The following NR2F1-AS1 variants were observed in gnomAD, a reference collection of about 807,000 sequenced individuals.
The protein encoded by NR2F1-AS1 is NR2F1 regulatory antisense RNA 1.
chr5:93,533,574 A>AT (rs1438421258), intron 4 of NR2F1-AS1, among the ~76,000 whole-genome samples: 1 of 152,146 alleles, frequency 6.6e-6, no homozygotes, highest in Non-Finnish European at 1.5e-5. Flanking sequence ...ATGGATTTTA[A>AT]TTTAGGAAAA....
intron 1 of NR2F1-AS1, among the ~76,000 whole-genome samples, chr5:93,572,197 A>G (rs1580345177): frequency 6.6e-6 from 1 of 152,310 alleles, no homozygotes; most frequent in South Asian, 2.1e-4. Context: ...GTTTGCGCGC[A>G]CGCGCACGTA....
chr5:93,553,154 C>T (rs1752272768), intron 4 of NR2F1-AS1, among the ~76,000 whole-genome samples: 1 of 139,574 alleles, frequency 7.2e-6, no homozygotes, highest in Non-Finnish European at 1.5e-5. Flanking sequence ...TTTGGAGACA[C>T]AGTCTTGCTC....
At position 93,451,945 on chromosome 5, in the gene NR2F1-AS1, T is replaced by G. The variant is rs115890064; in HGVS notation, n.639-56403A>C. Among the ~76,000 whole-genome samples the G allele has an allele frequency of 5.7e-3, 871 of 152,320 alleles. 7 individuals are homozygous for G. The highest frequency in any genetic ancestry group is 0.02 in the African/African-American group (827 of 41,572). ...TCACGGACATGTATTTACATAATTG[T>G]AAGGTCATTCTACTGTGCTATAAAG... On this transcript the variant is annotated intron_variant and non_coding_transcript_variant, in intron 4 of 5. Coordinates refer to ENST00000660523, the Ensembl canonical transcript of NR2F1-AS1.
At chr5:93,565,296 C>G (rs1278338035) in intron 1 of NR2F1-AS1, among the ~76,000 whole-genome samples, 1 of 152,032 alleles carries the variant, frequency 6.6e-6, no homozygotes, top group African/African-American at 2.4e-5. Context: ...AGAGGCCTAC[C>G]CCCAACTTCA....
At chr5:93,525,150 A>T (rs1245537478) in intron 4 of NR2F1-AS1, among the ~76,000 whole-genome samples, 1 of 152,138 alleles carries the variant, frequency 6.6e-6, no homozygotes, top group Non-Finnish European at 1.5e-5. Context: ...CTCAAAATAG[A>T]GGGATGGAGG....
intron 4 of NR2F1-AS1, among the ~76,000 whole-genome samples, chr5:93,511,215 G>A (rs1254983167): frequency 6.6e-6 from 1 of 152,104 alleles, no homozygotes. Context: ...CAATGTGGTT[G>A]GCCATCATCC....
intron 4 of NR2F1-AS1, among the ~76,000 whole-genome samples, chr5:93,512,343 C>T (rs1301411562): frequency 6.6e-6 from 1 of 152,046 alleles, no homozygotes; most frequent in Non-Finnish European, 1.5e-5. Context: ...TGCAGCTGTA[C>T]AATGTGTTTA....
intron 4 of NR2F1-AS1, among the ~76,000 whole-genome samples, chr5:93,451,553 C>CCA (rs973144341): frequency 3.5e-4 from 54 of 152,168 alleles, no homozygotes; most frequent in Non-Finnish European, 6.6e-4. Flanking sequence ...CAAGCATGTA[C>CCA]CACCACGCCT....
chr5:93,562,123 G>A (rs1580335666), intron 2 of NR2F1-AS1, among the ~76,000 whole-genome samples: 1 of 131,894 alleles, frequency 7.6e-6, no homozygotes, highest in Non-Finnish European at 1.5e-5. Context: ...CAAGGTGGGA[G>A]AATCGCTTCT....
chr5:93,483,716 G>C (rs565700239), intron 4 of NR2F1-AS1, among the ~76,000 whole-genome samples: 1 of 152,246 alleles, frequency 6.6e-6, no homozygotes, highest in East Asian at 1.9e-4. Flanking sequence ...AAGGTTAGAC[G>C]AATTGCTAAC....
intron 4 of NR2F1-AS1, among the ~76,000 whole-genome samples, chr5:93,540,973 T>A (rs1751938646): frequency 6.6e-6 from 1 of 152,220 alleles, no homozygotes; most frequent in African/African-American, 2.4e-5. Flanking sequence ...AGTTTAAAAA[T>A]TAATGCTTCA....
At chr5:93,420,492 C>T (rs1156630835) in intron 4 of NR2F1-AS1, among the ~76,000 whole-genome samples, 1 of 152,082 alleles carries the variant, frequency 6.6e-6, no homozygotes. Context: ...AAGGGTTAAA[C>T]AGTGAATGGT....
chr5:93,426,887 T>TC (rs796158339), intron 4 of NR2F1-AS1, among the ~76,000 whole-genome samples: 8 of 151,508 alleles, frequency 5.3e-5, no homozygotes, highest in South Asian at 4.2e-4. Flanking sequence ...TAATAAAAGT[T>TC]CCCCCCCTCC....
intron 4 of NR2F1-AS1, among the ~76,000 whole-genome samples, chr5:93,489,755 A>T (rs1315185646): frequency 6.6e-6 from 1 of 152,188 alleles, no homozygotes; most frequent in East Asian, 1.9e-4. Context: ...TCTCAAGTAC[A>T]TGTTTGGGGC....
intron 4 of NR2F1-AS1, among the ~76,000 whole-genome samples, chr5:93,466,266 T>A (rs1222475928): frequency 2.6e-5 from 4 of 151,910 alleles, no homozygotes; most frequent in African/African-American, 9.7e-5. Flanking sequence ...TGCCATCTCT[T>A]TTCCTCCTCC....
At chr5:93,458,855 CA>C (rs916769427) in intron 4 of NR2F1-AS1, among the ~76,000 whole-genome samples, 2 of 151,370 alleles carry the variant, frequency 1.3e-5, no homozygotes, top group African/African-American at 2.4e-5. Flanking sequence ...ACTAAAAATA[CA>C]AAAAAATTAG....
intron 4 of NR2F1-AS1, among the ~76,000 whole-genome samples, chr5:93,452,608 G>C (rs113330115): frequency 3.3e-5 from 5 of 152,290 alleles, no homozygotes; most frequent in African/African-American, 1.2e-4. Context: ...TATGCATAAA[G>C]TGAAACTCCT....
At chr5:93,449,508 T>C (rs1319752893) in intron 4 of NR2F1-AS1, among the ~76,000 whole-genome samples, 1 of 152,204 alleles carries the variant, frequency 6.6e-6, no homozygotes, top group African/African-American at 2.4e-5. Flanking sequence ...ATGCTCCTAA[T>C]ATTCACCTTC....
intron 4 of NR2F1-AS1, among the ~76,000 whole-genome samples, chr5:93,446,042 G>C (rs1289505359): frequency 2.6e-5 from 4 of 152,078 alleles, no homozygotes; most frequent in African/African-American, 9.7e-5. Flanking sequence ...GTATTGACGG[G>C]ACGTACATCA....
Sources: gnomAD v4.1 joint callset for allele counts (sites outside exome capture counted in the v4.1 genomes callset) on GRCh38, gnomAD v4.1.1 for gene constraint, MANE v1.5 for transcripts, NCBI Gene and HGNC (gene_info 2026-07-23, HGNC 2026-07-21) for gene names.